The following SORCS2 variants were observed in gnomAD, a reference collection of about 807,000 sequenced individuals.
SORCS2 encodes the protein sortilin related VPS10 domain containing receptor 2.
SORCS2 carries 100 observed loss-of-function variants against 141.6 expected under a neutral mutation model. The ratio of observed to expected loss-of-function variants is 0.71; its 90% confidence interval spans 0.60 to 0.83. The LOEUF is 0.83. SORCS2 is among the 40% of genes least tolerant of loss of function. The pLI is 0.00. For missense variants in SORCS2, 1,646 were observed against 1,560.2 expected, an observed-to-expected ratio of 1.05 and a Z score of -0.93; for synonymous variants, 789 against 676.9, an observed-to-expected ratio of 1.17 and a Z score of -2.57.
chr4:7,340,228 G>A (rs796334959), intron 1 of SORCS2, among the ~76,000 whole-genome samples: 4 of 152,354 alleles, frequency 2.6e-5, no homozygotes, highest in African/African-American at 9.6e-5. Context: ...CACAACCCAG[G>A]CCTGTACGAC....
chr4:7,243,674 G>A (rs1712867562), intron 1 of SORCS2, among the ~76,000 whole-genome samples: 1 of 152,264 alleles, frequency 6.6e-6, no homozygotes, highest in African/African-American at 2.4e-5. Flanking sequence ...GCCAGCGGGT[G>A]GTCGTTGGCA....
rs58482081 is a variant in SORCS2 at position 7,434,750 on chromosome 4, C to T, written c.548+38395C>T. ...GCCCCTTGGCAGTACCCCACAGCCC[C>T]GCACCTGGCAGCTGTCTGCAGATCC... On this transcript the variant is annotated intron_variant, in intron 2 of 26. Coordinates refer to ENST00000507866, the MANE Select transcript of SORCS2 (RefSeq NM_020777.3). 100 of 1,613,062 alleles carry T rather than the reference C, an allele frequency of 6.2e-5. No homozygotes were observed. In the African/African-American group the frequency reaches 7.2e-4, roughly 12 times the overall value.
At chr4:7,665,651 A>G (rs1321384029) in intron 7 of SORCS2, among the ~76,000 whole-genome samples, 1 of 151,896 alleles carries the variant, frequency 6.6e-6, no homozygotes, top group East Asian at 1.9e-4. Flanking sequence ...ATTCCGTACC[A>G]TTTACTCCTT....
intron 1 of SORCS2, among the ~76,000 whole-genome samples, chr4:7,381,109 A>AATT (rs369395386): frequency 1.3e-3 from 189 of 146,426 alleles, no homozygotes; most frequent in African/African-American, 4.5e-3. Context: ...GGAGTGGGTT[A>AATT]ATTAACAATG....
At chr4:7,374,242 C>A (rs1239851460) in intron 1 of SORCS2, among the ~76,000 whole-genome samples, 1 of 149,810 alleles carries the variant, frequency 6.7e-6, no homozygotes, top group Non-Finnish European at 1.5e-5. Flanking sequence ...TTGTGGGAAC[C>A]ACTATAATGA....
intron 1 of SORCS2, among the ~76,000 whole-genome samples, chr4:7,375,083 C>T (rs561550187): frequency 2.5e-4 from 38 of 152,128 alleles, no homozygotes; most frequent in African/African-American, 4.3e-4. Flanking sequence ...CATGGTGATT[C>T]GATGAGAAAG....
intron 1 of SORCS2, among the ~76,000 whole-genome samples, chr4:7,365,886 C>A (rs542370995): frequency 5.9e-5 from 9 of 152,334 alleles, no homozygotes; most frequent in African/African-American, 2.2e-4. Flanking sequence ...TTGGCAGGGA[C>A]CAAGGGTGTC....
chr4:7,546,847 A>G lies in SORCS2; in HGVS notation c.648+15218A>G, dbSNP rs574053856. Among the ~76,000 whole-genome samples the G allele has an allele frequency of 5.3e-5, 8 of 152,336 alleles. No homozygotes were observed. The South Asian group carries it at 1.7e-3, about 32-fold the overall frequency. On this transcript the variant is annotated intron_variant, in intron 3 of 26. Coordinates refer to ENST00000507866, the MANE Select transcript of SORCS2 (RefSeq NM_020777.3). ...ATCCCTCTTCCCTGCAAAAACACAT[A>G]TTAGAAAACTGACAAATCACTTTCT...
intron 9 of SORCS2, among the ~76,000 whole-genome samples, chr4:7,678,641 C>A (rs1469587036): frequency 6.3e-5 from 9 of 141,794 alleles, no homozygotes; most frequent in Middle Eastern, 4.6e-3. Context: ...ACACACAGGC[C>A]TCAAGGTGAG....
At position 7,380,530 on chromosome 4, in the gene SORCS2, A is replaced by G. The variant is rs1382372179; in HGVS notation, c.481-15758A>G. On this transcript the variant is annotated intron_variant, in intron 1 of 26. Coordinates refer to ENST00000507866, the MANE Select transcript of SORCS2 (RefSeq NM_020777.3). ...AAGTGAGGTAGTTCTGTTGCTGAGG[A>G]GGGGCTGGAGTAGAGCATCTGATGG... 2.6e-5 allele frequency among the ~76,000 whole-genome samples: 4 copies of G among 152,192 alleles called. No individual in the cohort carries two copies. The East Asian group carries it at 7.7e-4, about 29-fold the overall frequency.
intron 2 of SORCS2, among the ~76,000 whole-genome samples, chr4:7,452,013 C>G (rs1010833842): frequency 1.3e-5 from 2 of 152,150 alleles, no homozygotes; most frequent in Non-Finnish European, 2.9e-5. Flanking sequence ...TCTGTGCCTT[C>G]TCTCCCCAGC....
At chr4:7,631,816 G>C (rs879369509) in intron 3 of SORCS2, among the ~76,000 whole-genome samples, 1 of 151,956 alleles carries the variant, frequency 6.6e-6, no homozygotes, top group African/African-American at 2.4e-5. Context: ...GAAATCCATC[G>C]TGAAAGCCCT....
chr4:7,676,313 C>T, intron 9 of SORCS2, 84 bp downstream of exon 9: 7 of 1,407,210 alleles, frequency 5.0e-6, no homozygotes, highest in Admixed American at 2.0e-5. Context: ...TCCCCCCTCC[C>T]CTCCCGCCTG....
At chr4:7,500,977 A>G (rs891331782) in intron 2 of SORCS2, among the ~76,000 whole-genome samples, 2 of 152,216 alleles carry the variant, frequency 1.3e-5, no homozygotes, top group African/African-American at 4.8e-5. Flanking sequence ...GGCTCAAGCC[A>G]GCGTGGATCC....
chr4:7,649,213 G>A (rs1207956036), intron 4 of SORCS2, among the ~76,000 whole-genome samples: 1 of 152,166 alleles, frequency 6.6e-6, no homozygotes, highest in African/African-American at 2.4e-5. Flanking sequence ...TCCAGGCAGG[G>A]GGCACAGCAC....
intron 1 of SORCS2, among the ~76,000 whole-genome samples, chr4:7,223,125 TGAA>T (rs1209688585): frequency 6.6e-6 from 1 of 152,174 alleles, no homozygotes; most frequent in African/African-American, 2.4e-5. Context: ...CGTGTTCTGA[TGAA>T]GGACGGGACT....
At position 7,292,458 on chromosome 4, in the gene SORCS2, T is replaced by A. The variant is rs572639319; in HGVS notation, c.480+99332T>A. On this transcript the variant is annotated intron_variant, in intron 1 of 26. Transcript: ENST00000507866. The stretch of plus-strand genomic sequence containing the variant: ...GAAGATGCACTGGTGTGGATCGTGG[T>A]GGTGGTTGTGTTCACAGTTAGTGTG... Among the ~76,000 whole-genome samples the A allele has an allele frequency of 1.6e-3, 242 of 152,314 alleles. 1 individual carries two copies. The highest frequency in any genetic ancestry group is 2.9e-3 in the Non-Finnish European group (200 of 68,020).
chr4:7,305,579 C>T (rs922996933), intron 1 of SORCS2, among the ~76,000 whole-genome samples: 2 of 152,138 alleles, frequency 1.3e-5, no homozygotes, highest in Admixed American at 1.3e-4. Flanking sequence ...GCTCATGGCT[C>T]TAAGGCCCCC....
intron 2 of SORCS2, among the ~76,000 whole-genome samples, chr4:7,411,544 A>G (rs1299669243): frequency 6.6e-6 from 1 of 150,690 alleles, no homozygotes; most frequent in Non-Finnish European, 1.5e-5. Flanking sequence ...TCTTCCTTCC[A>G]TTTGCTATCC....
Sources: gnomAD v4.1 joint callset for allele counts (sites outside exome capture counted in the v4.1 genomes callset) on GRCh38, gnomAD v4.1.1 for gene constraint, MANE v1.5 for transcripts, NCBI Gene and HGNC (gene_info 2026-07-23, HGNC 2026-07-21) for gene names.